The following ZBTB20 variants were observed in gnomAD, a reference collection of about 807,000 sequenced individuals.
The protein encoded by ZBTB20 is zinc finger and BTB domain-containing protein 20.
ZBTB20 carries 9 observed loss-of-function variants against 56.9 expected under a neutral mutation model. The ratio of observed to expected loss-of-function variants is 0.16; its 90% CI spans 0.10 to 0.28. The LOEUF (loss-of-function observed/expected upper bound fraction) is 0.28. ZBTB20 is among the 10% of genes least tolerant of loss of function. The pLI is 1.00. For missense variants in ZBTB20, 655 were observed against 1,003.0 expected (o/e 0.65, Z 4.69); for synonymous variants, 417 against 420.7 (o/e 0.99, Z 0.11).
At position 114,642,963 on chromosome 3, in the gene ZBTB20, T is replaced by C. The variant is rs1464082574; in HGVS notation, c.-295+50565A>G. Among the ~76,000 whole-genome samples, 4 of 152,092 alleles carry C rather than the reference T, an allele frequency of 2.6e-5. No homozygotes were observed. The East Asian group carries it at 5.8e-4, about 22-fold the overall frequency. ...TCTTAGTAAATGTCACTTGACCCGA[T>C]ATATCAAAAAGGTTGCAAAATTTGA... On this transcript the variant is annotated intron_variant, in intron 6 of 11. Transcript: ENST00000675478.
At chr3:114,358,038 G>T (rs1178647508) in intron 10 of ZBTB20, among the ~76,000 whole-genome samples, 1 of 152,172 alleles carries the variant, frequency 6.6e-6, no homozygotes, top group Non-Finnish European at 1.5e-5. Flanking sequence ...TTTACTCAGA[G>T]TAAGTCCCTT....
intron 3 of ZBTB20, among the ~76,000 whole-genome samples, chr3:114,921,551 C>T (rs1274894815): frequency 6.6e-6 from 1 of 152,026 alleles, no homozygotes; most frequent in African/African-American, 2.4e-5. Context: ...CCAGCATTGC[C>T]CTCATACCAA....
chr3:115,090,048 G>A (rs2083129412), intron 1 of ZBTB20, among the ~76,000 whole-genome samples: 1 of 151,802 alleles, frequency 6.6e-6, no homozygotes, highest in Admixed American at 6.6e-5. Flanking sequence ...GATCTTTGGT[G>A]TAGTTTTTGC....
intron 4 of ZBTB20, among the ~76,000 whole-genome samples, chr3:114,838,741 A>AT (rs938362402): frequency 1.8e-4 from 27 of 150,538 alleles, no homozygotes; most frequent in African/African-American, 4.4e-4. Context: ...ACTATTCCAT[A>AT]TTTTTTTTTA....
intron 4 of ZBTB20, among the ~76,000 whole-genome samples, chr3:114,898,993 A>T (rs942152709): frequency 1.3e-5 from 2 of 152,126 alleles, no homozygotes; most frequent in African/African-American, 4.8e-5. Context: ...TAAAATATAC[A>T]ATCTATAATA....
At chr3:114,872,256 AAAAC>A (rs1347490858) in intron 4 of ZBTB20, among the ~76,000 whole-genome samples, 27 of 152,204 alleles carry the variant, frequency 1.8e-4, no homozygotes, top group Non-Finnish European at 1.8e-4. Context: ...CACAAGGATT[AAAAC>A]CACAACCCTT....
intron 6 of ZBTB20, among the ~76,000 whole-genome samples, chr3:114,616,742 G>C (rs1463601391): frequency 1.3e-5 from 2 of 152,128 alleles, no homozygotes; most frequent in Non-Finnish European, 2.9e-5. Context: ...AAATCCAACT[G>C]CCAGTCTGGA....
chr3:115,015,717 C>T (rs1000583526), intron 2 of ZBTB20, among the ~76,000 whole-genome samples: 5 of 151,832 alleles, frequency 3.3e-5, no homozygotes, highest in Non-Finnish European at 7.4e-5. Context: ...TCCAGTTTAT[C>T]ACTGATGGGC....
At chr3:115,109,617 A>C (rs1362757100) in intron 1 of ZBTB20, among the ~76,000 whole-genome samples, 2 of 152,176 alleles carry the variant, frequency 1.3e-5, no homozygotes, top group Non-Finnish European at 2.9e-5. Context: ...ACATCTATCC[A>C]AATAGAATGT....
chr3:115,112,613 C>T (rs920562475), intron 1 of ZBTB20, among the ~76,000 whole-genome samples: 2 of 152,318 alleles, frequency 1.3e-5, no homozygotes, highest in South Asian at 2.1e-4. Context: ...GCTCCATTCA[C>T]ATTGCTGCAA....
chr3:114,577,059 C>A (rs574818171), intron 6 of ZBTB20, among the ~76,000 whole-genome samples: 2 of 152,098 alleles, frequency 1.3e-5, no homozygotes, highest in Non-Finnish European at 2.9e-5. Flanking sequence ...TTGTTATAAT[C>A]TCTTTCCTAC....
At chr3:114,580,392 C>T (rs1032815935) in intron 6 of ZBTB20, among the ~76,000 whole-genome samples, 6 of 151,536 alleles carry the variant, frequency 4.0e-5, no homozygotes, top group Admixed American at 3.3e-4. Flanking sequence ...TTCTCAAAAT[C>T]CCAAGCAAAT....
In ZBTB20 at chr3:114,321,881, C is replaced by A; in HGVS notation, c.*17124G>T. The A allele has an allele frequency of 6.6e-6, 1 of 152,364 alleles. No individual in the cohort carries two copies. Among genetic ancestry groups the A allele is most frequent in the Non-Finnish European group, 1.5e-5 (1 of 68,050 alleles). 9.4% of individuals were successfully genotyped at this position (152,364 alleles called of 1,614,324 possible). On this transcript the variant is annotated 3_prime_UTR_variant, in exon 12 of 12. Coordinates refer to ENST00000675478, the MANE Select transcript of ZBTB20 (RefSeq NM_001348800.3). ...TGTCCCTTCAAACCTCCTCAGAAGA[C>A]TGGAGGCAATGGTACAGAAAAGCGT... is the stretch of plus-strand genomic sequence containing the variant.
chr3:114,665,358 A>G (rs2108116493), intron 6 of ZBTB20, among the ~76,000 whole-genome samples: 1 of 152,162 alleles, frequency 6.6e-6, no homozygotes, highest in African/African-American at 2.4e-5. Context: ...TGTTAGTAGT[A>G]TATACCATCT....
chr3:114,521,883 T>C (rs2046679466), intron 6 of ZBTB20, among the ~76,000 whole-genome samples: 1 of 152,166 alleles, frequency 6.6e-6, no homozygotes, highest in Non-Finnish European at 1.5e-5. Context: ...TATTATGTTT[T>C]GCATTTAATA....
At chr3:114,372,416 T>C (rs2083127865) in intron 10 of ZBTB20, among the ~76,000 whole-genome samples, 1 of 152,140 alleles carries the variant, frequency 6.6e-6, no homozygotes, top group African/African-American at 2.4e-5. Context: ...CCAAGGGACC[T>C]GGGAGGATTT....
rs190074830 is a variant in ZBTB20, at chr3:115,092,297, T to C, written c.-702-20883A>G. ...TTCACTAACTCATGCATCAGTTACT[T>C]GCACAGCAACAGGGACACAAGGTGG... On this transcript the variant is annotated intron_variant, in intron 1 of 11. Transcript: ENST00000675478. Among the ~76,000 whole-genome samples, 11 of 152,222 alleles carry C rather than the reference T, an allele frequency of 7.2e-5. No individual in the cohort carries two copies. In the East Asian group the frequency reaches 2.1e-3, roughly 29 times the overall value.
chr3:114,821,967 A>G (rs2073274934), intron 4 of ZBTB20, among the ~76,000 whole-genome samples: 1 of 152,162 alleles, frequency 6.6e-6, no homozygotes, highest in South Asian at 2.1e-4. Flanking sequence ...GGGAAATAAA[A>G]TGAATGAATA....
chr3:114,690,921 T>C (rs1365987100), intron 6 of ZBTB20, among the ~76,000 whole-genome samples: 2 of 152,162 alleles, frequency 1.3e-5, no homozygotes, highest in Non-Finnish European at 2.9e-5. Flanking sequence ...AGGTAAGAAA[T>C]TGTATTCAAC....
Sources: allele counts gnomAD v4.1 joint callset (sites outside exome capture counted in the v4.1 genomes callset), GRCh38; gene constraint gnomAD v4.1.1; transcripts MANE v1.5; gene names NCBI Gene and HGNC (gene_info 2026-07-23, HGNC 2026-07-21).